GRIK1: variants seen among roughly 807,000 people sequenced by gnomAD.
GRIK1 encodes the protein glutamate receptor ionotropic, kainate 1.
GRIK1 carries 69 observed loss-of-function variants against 105.7 expected under a neutral mutation model. The observed-to-expected ratio is 0.65, with a 90% CI of 0.54 to 0.80. The LOEUF is 0.80. Ranked by LOEUF, GRIK1 falls within the 30% of genes least tolerant of loss-of-function variation. The pLI, the probability that GRIK1 is intolerant of heterozygous loss-of-function variation, is 0.00. For missense variants in GRIK1, 1,109 were observed against 1,167.3 expected (o/e 0.95, Z 0.73); for synonymous variants, 438 against 431.3 (o/e 1.02, Z -0.19).
At chr21:29,544,341 A>T (rs2090017982) in intron 16 of GRIK1, among the ~76,000 whole-genome samples, 1 of 152,208 alleles carries the variant, frequency 6.6e-6, no homozygotes, top group South Asian at 2.1e-4. Flanking sequence ...TGGGGTGGCC[A>T]CGCAGGGCTA....
chr21:29,817,346 A>G (rs1430209891), intron 1 of GRIK1, among the ~76,000 whole-genome samples: 3 of 152,154 alleles, frequency 2.0e-5, no homozygotes, highest in Non-Finnish European at 4.4e-5. Flanking sequence ...GCGTCTTTTA[A>G]ATCCCCATTA....
chr21:29,756,266 A>G (rs1255853306), intron 1 of GRIK1, among the ~76,000 whole-genome samples: 1 of 151,292 alleles, frequency 6.6e-6, no homozygotes, highest in Non-Finnish European at 1.5e-5. Context: ...CTGCAGCCCC[A>G]GCTACTCGGG....
intron 1 of GRIK1, among the ~76,000 whole-genome samples, chr21:29,907,179 A>G (rs1324255896): frequency 6.6e-6 from 1 of 151,994 alleles, no homozygotes; most frequent in Non-Finnish European, 1.5e-5. Context: ...AGAAAAAAAA[A>G]AGAATTCAAT....
chr21:29,843,064 G>T (rs1245288914), intron 1 of GRIK1, among the ~76,000 whole-genome samples: 1 of 152,104 alleles, frequency 6.6e-6, no homozygotes, highest in Non-Finnish European at 1.5e-5. Context: ...CTAGCCTCAT[G>T]AATGGTATAT....
chr21:29,899,967 C>T (rs953537164), intron 1 of GRIK1, among the ~76,000 whole-genome samples: 7 of 151,826 alleles, frequency 4.6e-5, no homozygotes, highest in African/African-American at 1.5e-4. Context: ...ATGTATTAAG[C>T]ACTGTGCTGG....
intron 7 of GRIK1, chr21:29,630,820 C>T (rs1026588296): frequency 5.7e-6 from 2 of 353,862 alleles, no homozygotes; most frequent in Admixed American, 7.8e-5. Context: ...GAGACAGGCT[C>T]TCTTGTTCTC....
chr21:29,905,597 C>T (rs2070585634), intron 1 of GRIK1, among the ~76,000 whole-genome samples: 1 of 149,558 alleles, frequency 6.7e-6, no homozygotes, highest in Non-Finnish European at 1.5e-5. Context: ...AAACACGCAC[C>T]ATCATGCCCA....
intron 13 of GRIK1, among the ~76,000 whole-genome samples, chr21:29,577,693 G>A (rs2090928443): frequency 6.6e-6 from 1 of 152,174 alleles, no homozygotes; most frequent in African/African-American, 2.4e-5. Context: ...ATAAGATGCA[G>A]CCATACTTGA....
At chr21:29,840,137 G>A (rs1035464462) in intron 1 of GRIK1, among the ~76,000 whole-genome samples, 2 of 152,118 alleles carry the variant, frequency 1.3e-5, no homozygotes, top group Admixed American at 1.3e-4. Flanking sequence ...TCCTTTTTAA[G>A]CCTTGAAATT....
intron 1 of GRIK1, among the ~76,000 whole-genome samples, chr21:29,813,955 C>T (rs1158562953): frequency 1.4e-5 from 2 of 146,420 alleles, no homozygotes; most frequent in Non-Finnish European, 3.0e-5. Context: ...ACTCTTATTG[C>T]CTAGGCTGGA....
chr21:29,702,346 A>T (rs766158719), intron 1 of GRIK1, among the ~76,000 whole-genome samples: 11 of 152,154 alleles, frequency 7.2e-5, no homozygotes, highest in Non-Finnish European at 1.3e-4. Context: ...CTGTGAAGTT[A>T]GATATATCAA....
At chr21:29,555,721 T>A (rs1196927673) in intron 15 of GRIK1, among the ~76,000 whole-genome samples, 1 of 152,168 alleles carries the variant, frequency 6.6e-6, no homozygotes, top group Non-Finnish European at 1.5e-5. Context: ...AAGAACTTAG[T>A]TTGCAGCCAT....
chr21:29,591,923 C>T (rs955127321), intron 9 of GRIK1, among the ~76,000 whole-genome samples: 9 of 152,128 alleles, frequency 5.9e-5, no homozygotes, highest in East Asian at 1.9e-4. Context: ...TGATGGTGCA[C>T]GCCTGCAGTC....
intron 15 of GRIK1, among the ~76,000 whole-genome samples, chr21:29,558,967 G>T (rs528235023): frequency 2.0e-5 from 3 of 152,050 alleles, no homozygotes; most frequent in Non-Finnish European, 4.4e-5. Flanking sequence ...AAGTTCAAAC[G>T]TTCTTAGGAG....
chr21:29,660,105 G>A (rs1052958594), intron 4 of GRIK1, among the ~76,000 whole-genome samples: 12 of 152,206 alleles, frequency 7.9e-5, no homozygotes, highest in Non-Finnish European at 1.6e-4. Context: ...CTCATTGACA[G>A]CAGTGATCCC....
At chr21:29,756,768 A>T (rs2065353957) in intron 1 of GRIK1, among the ~76,000 whole-genome samples, 1 of 152,202 alleles carries the variant, frequency 6.6e-6, no homozygotes, top group Non-Finnish European at 1.5e-5. Context: ...AAAATAAAAA[A>T]AATAAACTAG....
intron 3 of GRIK1, among the ~76,000 whole-genome samples, chr21:29,689,493 T>TA (rs1009101888): frequency 4.3e-4 from 66 of 152,070 alleles, no homozygotes; most frequent in African/African-American, 1.6e-3. Context: ...ATATTTCTTT[T>TA]AAAAAAAAGT....
At chr21:29,749,853 C>T (rs1448504310) in intron 1 of GRIK1, among the ~76,000 whole-genome samples, 1 of 152,058 alleles carries the variant, frequency 6.6e-6, no homozygotes, top group African/African-American at 2.4e-5. Context: ...ATAATAAAAC[C>T]TAGTCCGCAT....
At chr21:29,700,308 A>T (rs1443888168) in intron 1 of GRIK1, among the ~76,000 whole-genome samples, 2 of 152,146 alleles carry the variant, frequency 1.3e-5, no homozygotes, top group East Asian at 3.9e-4. Flanking sequence ...GCCATGAAGG[A>T]TGTTGGGTTG....
Sources: gnomAD v4.1 joint callset for allele counts (sites outside exome capture counted in the v4.1 genomes callset) on GRCh38, gnomAD v4.1.1 for gene constraint, MANE v1.5 for transcripts, NCBI Gene and HGNC (gene_info 2026-07-23, HGNC 2026-07-21) for gene names.